CDH18: variants seen among roughly 807,000 people sequenced by gnomAD.
CDH18 encodes cadherin 18.
A neutral mutation model predicts 67.9 loss-of-function variants in CDH18; 31 were observed. That is an observed-to-expected ratio of 0.46 (90% CI 0.34 to 0.62). The LOEUF is 0.62. CDH18 is among the 20% of genes least tolerant of loss of function. CDH18 has a pLI of 0.01. For missense variants in CDH18, 890 were observed against 975.5 expected, an observed-to-expected ratio of 0.91 and a Z score of 1.17; for synonymous variants, 362 against 347.2, an observed-to-expected ratio of 1.04 and a Z score of -0.48.
chr5:19,604,979 T>C (rs1747792844), intron 6 of CDH18, among the ~76,000 whole-genome samples: 1 of 152,036 alleles, frequency 6.6e-6, no homozygotes, highest in African/African-American at 2.4e-5. Context: ...ACTTTTTAAG[T>C]ATTCTTTGAA....
intron 5 of CDH18, among the ~76,000 whole-genome samples, chr5:19,647,527 CAAAAAAAAAAAAAAAAAA>C (rs3062888): frequency 3.5e-5 from 1 of 28,800 alleles, no homozygotes; most frequent in Non-Finnish European, 5.8e-5. Context: ...GAGACTCCAT[CAAAAAAAAAAAAAAAAAA>C]AAAAAAAAAA....
At chr5:19,718,509 T>C (rs1765616992) in intron 5 of CDH18, among the ~76,000 whole-genome samples, 1 of 152,030 alleles carries the variant, frequency 6.6e-6, no homozygotes, top group African/African-American at 2.4e-5. Flanking sequence ...TCTGAGGATG[T>C]TTAACAGCAT....
chr5:19,877,526 A>T (rs1787162430), intron 2 of CDH18, among the ~76,000 whole-genome samples: 1 of 152,168 alleles, frequency 6.6e-6, no homozygotes, highest in African/African-American at 2.4e-5. Context: ...ACATGAAAGA[A>T]TTCAGTGTAG....
chr5:20,508,816 A>G (rs907963485), intron 1 of CDH18, among the ~76,000 whole-genome samples: 3 of 152,070 alleles, frequency 2.0e-5, no homozygotes, highest in African/African-American at 7.2e-5. Flanking sequence ...TATGTAAACT[A>G]TATTATATGA....
intron 1 of CDH18, among the ~76,000 whole-genome samples, chr5:20,376,313 T>C (rs570868186): frequency 2.4e-4 from 37 of 151,378 alleles, no homozygotes; most frequent in Admixed American, 8.5e-4. Flanking sequence ...TGGTCTCGAT[T>C]TCCTGACCTC....
At chr5:19,564,128 T>A (rs565515536) in intron 8 of CDH18, among the ~76,000 whole-genome samples, 1 of 152,278 alleles carries the variant, frequency 6.6e-6, no homozygotes, top group South Asian at 2.1e-4. Context: ...GGGTCCTTAA[T>A]GAACTTGAAA....
chr5:20,170,564 T>C (rs1463921786), intron 2 of CDH18, among the ~76,000 whole-genome samples: 1 of 152,052 alleles, frequency 6.6e-6, no homozygotes, highest in Non-Finnish European at 1.5e-5. Flanking sequence ...TGGATAATAA[T>C]ATAAAACATG....
intron 5 of CDH18, among the ~76,000 whole-genome samples, chr5:19,614,802 T>A (rs1749546374): frequency 1.3e-5 from 2 of 152,138 alleles, no homozygotes; most frequent in South Asian, 4.1e-4. Context: ...AAAGACCATA[T>A]CCAAAACGGA....
intron 2 of CDH18, among the ~76,000 whole-genome samples, chr5:20,224,776 T>C (rs1414818877): frequency 6.6e-6 from 1 of 152,114 alleles, no homozygotes; most frequent in African/African-American, 2.4e-5. Context: ...TGTAAATTTA[T>C]TTTTTCTAAT....
intron 1 of CDH18, among the ~76,000 whole-genome samples, chr5:20,337,755 A>C (rs1259102321): frequency 6.6e-6 from 1 of 152,160 alleles, no homozygotes; most frequent in East Asian, 1.9e-4. Context: ...AGCAGCTTTC[A>C]CATTTTGGGT....
chr5:19,553,715 A>T (rs1401861395), intron 8 of CDH18, among the ~76,000 whole-genome samples: 1 of 144,862 alleles, frequency 6.9e-6, no homozygotes, highest in African/African-American at 2.6e-5. Flanking sequence ...AACACGACTC[A>T]TTGCAGCCTT....
Position 20,096,444 on chromosome 5 carries a change from T to A in CDH18, c.-517-104430A>T, listed in dbSNP as rs1375283523. ...AAATTGTATCAGCAGAAAATAGAGA[T>A]ATGCAGAAATAATGAAGAAAAAAGG... is the stretch of plus-strand genomic sequence containing the variant. On this transcript the variant is annotated intron_variant, in intron 2 of 14. Transcript: ENST00000507958. 2.0e-5 allele frequency among the ~76,000 whole-genome samples: 3 copies of A among 152,052 alleles called. No homozygotes were observed. The East Asian group carries it at 5.8e-4, about 29-fold the overall frequency.
At chr5:19,656,725 C>A (rs1326478100) in intron 5 of CDH18, among the ~76,000 whole-genome samples, 1 of 152,066 alleles carries the variant, frequency 6.6e-6, no homozygotes, top group South Asian at 2.1e-4. Context: ...GGTTTCTGAT[C>A]TCAATTTTGA....
chr5:19,592,615 A>G (rs916409433), intron 6 of CDH18, among the ~76,000 whole-genome samples: 1 of 152,134 alleles, frequency 6.6e-6, no homozygotes, highest in African/African-American at 2.4e-5. Flanking sequence ...TAGTGATATG[A>G]TACTGAAAAC....
chr5:20,313,316 C>T (rs949265726), intron 1 of CDH18, among the ~76,000 whole-genome samples: 1 of 152,018 alleles, frequency 6.6e-6, no homozygotes, highest in African/African-American at 2.4e-5. Flanking sequence ...CTACTGACTT[C>T]CCCTTCTTCT....
chr5:20,192,918 T>C lies in CDH18; in HGVS notation c.-518+62526A>G, dbSNP rs146078542. ...CAATGGTAGTTTGATGGGAATAGCATTGAATCTATAAATTACTTTGGGAGT... is the reference window on the plus strand; with the variant it reads ...CAATGGTAGTTTGATGGGAATAGCACTGAATCTATAAATTACTTTGGGAGT... On this transcript the variant is annotated intron_variant, in intron 2 of 14. Coordinates refer to the CDH18 transcript ENST00000507958. 9.0e-3 allele frequency among the ~76,000 whole-genome samples: 1,367 copies of C among 152,302 alleles called. 103 individuals carry two copies. In the East Asian group the frequency reaches 0.2, roughly 22 times the overall value.
At position 20,195,919 on chromosome 5, in the gene CDH18, T is replaced by C. The variant is rs190583891; in HGVS notation, c.-518+59525A>G. ...CTTAAAAATGTATGGGACTCAAAAA[T>C]TCCAATCACTTAACAAAATCAAAAG... is the stretch of plus-strand genomic sequence containing the variant. On this transcript the variant is annotated intron_variant, in intron 2 of 14. Transcript: ENST00000507958. Among the ~76,000 whole-genome samples the C allele has an allele frequency of 1.9e-3, 286 of 152,202 alleles. 1 individual carries two copies. Among genetic ancestry groups the C allele is most frequent in the Non-Finnish European group, 3.4e-3 (232 of 67,988 alleles).
intron 12 of CDH18, among the ~76,000 whole-genome samples, chr5:19,482,451 C>T (rs1382831446): frequency 6.6e-6 from 1 of 152,102 alleles, no homozygotes; most frequent in Admixed American, 6.6e-5. Flanking sequence ...TAATTAAATT[C>T]AATAAAATTT....
chr5:20,210,798 TTAC>T lies in CDH18; in HGVS notation c.-518+44643_-518+44645del, dbSNP rs377267350. Among the ~76,000 whole-genome samples the T allele has an allele frequency of 9.2e-4, 140 of 152,178 alleles. 3 individuals are homozygous for T. In the East Asian group the frequency reaches 0.02, roughly 21 times the overall value. ...GTCTTATAATAGTTCATAATTATTA[TTAC>T]TACTAAGTTATCTGTATGCTTTTAA... On this transcript the variant is annotated intron_variant, in intron 2 of 14. Coordinates refer to the CDH18 transcript ENST00000507958.
Sources: gnomAD v4.1 joint callset for allele counts (sites outside exome capture counted in the v4.1 genomes callset) on GRCh38, gnomAD v4.1.1 for gene constraint, MANE v1.5 for transcripts, NCBI Gene and HGNC (gene_info 2026-07-23, HGNC 2026-07-21) for gene names.